SSX1: variants seen among roughly 807,000 people sequenced by gnomAD.
SSX1 encodes protein SSX1.
A neutral mutation model predicts 14.6 loss-of-function variants in SSX1; 58 were observed. The ratio of observed to expected loss-of-function variants is 3.96; its 90% CI spans 3.21 to 4.93. The LOEUF (loss-of-function observed/expected upper bound fraction) is 4.93, where lower values mean the gene tolerates loss of function less well. Among genes scored for constraint, SSX1 ranks in the 30% most tolerant of loss-of-function variants. SSX1 has a pLI of 0.00. For synonymous variants in SSX1, 46 were observed against 52.1 expected (o/e 0.88, Z 0.50); for missense variants, 272 against 143.1 (o/e 1.90, Z -4.60).
intron 5 of SSX1, among the ~76,000 whole-genome samples, chrX:48,262,369 T>C (rs1413954566): frequency 8.0e-5 from 9 of 112,337 alleles, no homozygotes; most frequent in Admixed American, 2.8e-4. Context: ...TTCACGTTTG[T>C]ATTTGTTTAT....
intron 1 of SSX1, among the ~76,000 whole-genome samples, chrX:48,256,657 AT>A (rs1801503797): frequency 9.2e-6 from 1 of 109,012 alleles, no homozygotes; most frequent in African/African-American, 3.3e-5. Flanking sequence ...GGCTCTTGTA[AT>A]CTCAGAGATT....
At chrX:48,255,598 C>T (rs2059577529) in intron 1 of SSX1, among the ~76,000 whole-genome samples, 166 bp downstream of exon 1, 1 of 105,727 alleles carries the variant, frequency 9.5e-6, no homozygotes, top group Non-Finnish European at 1.9e-5. Context: ...CCGCCTCGGC[C>T]TTGGGTCTAC....
At chrX:48,256,291 C>A (rs2059580995) in intron 1 of SSX1, among the ~76,000 whole-genome samples, 1 of 106,985 alleles carries the variant, frequency 9.3e-6, no homozygotes, top group Non-Finnish European at 1.9e-5. Context: ...ACCCCGCCCC[C>A]ACTAATACTT....
At chrX:48,266,000 T>A (rs1269106463) in intron 6 of SSX1, among the ~76,000 whole-genome samples, 1 of 111,726 alleles carries the variant, frequency 9.0e-6, no homozygotes, top group Non-Finnish European at 1.9e-5. Flanking sequence ...CCTTAACAAA[T>A]ACGTGCTGAA....
chrX:48,261,759 CT>C lies in SSX1; in HGVS notation c.281-4del. On this transcript the variant is annotated splice_polypyrimidine_tract_variant and splice_region_variant and intron_variant, in intron 4 of 7. Coordinates refer to ENST00000376919, the MANE Select transcript of SSX1 (RefSeq NM_005635.4). ...ACAAAGAAAAATTCTGATGTGTTCT[CT>C]TTCAGTTGAACATCCTCAGATGACT... is the stretch of plus-strand genomic sequence containing the variant. The C allele has an allele frequency of 2.5e-6, 3 of 1,210,770 alleles. No homozygotes were observed. Among genetic ancestry groups the C allele is most frequent in the Non-Finnish European group, 3.4e-6 (3 of 894,641 alleles).
rs782449248 is a variant in SSX1, at chrX:48,258,962, G to A, written c.280+331G>A. ...GTGCTGCACAGACAGCTTCAGTCAT[G>A]ACTTGTTGATAGTGTGTTTTGTTTT... is the stretch of plus-strand genomic sequence containing the variant. On this transcript the variant is annotated intron_variant, in intron 4 of 7. Coordinates refer to ENST00000376919, the MANE Select transcript of SSX1 (RefSeq NM_005635.4). Among the ~76,000 whole-genome samples the A allele has an allele frequency of 2.7e-5, 3 of 110,205 alleles. No homozygotes were observed. In the Admixed American group the frequency reaches 2.9e-4, roughly 11 times the overall value.
At chrX:48,266,499 A>G in intron 7 of SSX1, 108 bp downstream of exon 7, 1 of 1,159,982 alleles carries the variant, frequency 8.6e-7, no homozygotes, top group Non-Finnish European at 1.2e-6. Flanking sequence ...CTTTCTCATA[A>G]TTTTCTACTG....
intron 6 of SSX1, 41 bp from the exon 7 acceptor site, chrX:48,266,246 A>G: frequency 8.3e-7 from 1 of 1,209,724 alleles, no homozygotes. Flanking sequence ...AACACTCTTC[A>G]ACGTACCCAA....
At position 48,266,914 on chromosome X, in the gene SSX1, TG is replaced by T. The variant is rs1556936576; in HGVS notation, c.*68del. The T allele has an allele frequency of 4.6e-6, 5 of 1,096,758 alleles. No individual in the cohort carries two copies. The highest frequency in any genetic ancestry group is 6.2e-6 in the Non-Finnish European group (5 of 806,198). The allele number at this position is 1,096,758 out of a possible 1,213,427, so 90.4% of individuals were successfully genotyped here. A position where few individuals can be genotyped will look rare whatever the true frequency, so the allele number is the denominator to read the frequency against. ...AGAACGTGGTGACCTTTCACGAACA[TG>T]GGCATGGCTGCGGCTCCCTCGTCAT... On this transcript the variant is annotated 3_prime_UTR_variant, in exon 8 of 8. Transcript: ENST00000376919.
At chrX:48,256,356 T>C (rs1556934327) in intron 1 of SSX1, among the ~76,000 whole-genome samples, 1 of 107,114 alleles carries the variant, frequency 9.3e-6, no homozygotes, top group African/African-American at 3.4e-5. Context: ...GCTAGGCTGG[T>C]ATCAACCTCG....
chrX:48,264,721 G>A (rs1242838256), intron 6 of SSX1, among the ~76,000 whole-genome samples: 1 of 112,459 alleles, frequency 8.9e-6, no homozygotes, highest in Non-Finnish European at 1.9e-5. Flanking sequence ...GATGCTATTC[G>A]ATAGCATTTA....
At chrX:48,266,259 C>G (rs370033992) in intron 6 of SSX1, 28 bp from the exon 7 acceptor site, 52 of 1,207,872 alleles carry the variant, frequency 4.3e-5, no homozygotes, top group Non-Finnish European at 5.0e-5. Context: ...GTACCCAACC[C>G]TCATCTTCCA....
intron 5 of SSX1, among the ~76,000 whole-genome samples, chrX:48,263,540 T>C (rs1235901134): frequency 9.0e-6 from 1 of 111,674 alleles, no homozygotes; most frequent in Non-Finnish European, 1.9e-5. Flanking sequence ...ATTTCTGCTG[T>C]TTCCACGAAT....
In SSX1 at chrX:48,261,793, G is replaced by A; in HGVS notation, c.308G>A (p.Arg103Lys). The A allele has an allele frequency of 8.3e-7, 1 of 1,211,120 alleles. No individual in the cohort carries two copies. The highest frequency in any genetic ancestry group is 1.1e-6 in the Non-Finnish European group (1 of 895,129). The change falls in exon 5 of 8, where the codon AGG becomes AAG. Residue 103 changes from arginine (R) to lysine (K), a missense_variant. Arg to Lys is a conservative substitution (Grantham distance 26). Transcript: ENST00000376919. ...QVEHPQMTFG[R>K]LHRIIPKIMP... ...GAACATCCTCAGATGACTTTCGGCA[G>A]GCTCCACAGAATCATCCCGAAGGTG...
At chrX:48,255,894 CTTTTT>C (rs782152875) in intron 1 of SSX1, among the ~76,000 whole-genome samples, 1 of 77,538 alleles carries the variant, frequency 1.3e-5, no homozygotes, top group African/African-American at 4.8e-5. Flanking sequence ...CCTGCCCATG[CTTTTT>C]TTTTTTTTTT....
intron 1 of SSX1, among the ~76,000 whole-genome samples, 181 bp downstream of exon 1, chrX:48,255,613 C>T (rs1313235314): frequency 6.9e-5 from 7 of 102,073 alleles, no homozygotes; most frequent in Admixed American, 2.1e-4. Context: ...GTCTACAGGC[C>T]TGTATTATCC....
In SSX1 at chrX:48,257,178, C is replaced by T. The variant is rs782587793; in HGVS notation, c.-20-44C>T. ...TCACTGATTTCTCCCTCCATAGGAC[C>T]AAGGGTCCTGTAGCTAGAAAGTCTC... On this transcript the variant is annotated intron_variant, in intron 1 of 7. Coordinates refer to ENST00000376919, the MANE Select transcript of SSX1 (RefSeq NM_005635.4). 1.1e-5 allele frequency: 13 copies of T among 1,155,655 alleles called. No individual in the cohort carries two copies. In the East Asian group the frequency reaches 2.1e-4, roughly 19 times the overall value.
chrX:48,265,951 T>C (rs2059621470), intron 6 of SSX1, among the ~76,000 whole-genome samples: 1 of 111,864 alleles, frequency 8.9e-6, no homozygotes, highest in Non-Finnish European at 1.9e-5. Flanking sequence ...CATAGCACTA[T>C]AAAAATGAGG....
chrX:48,261,837 A>C, intron 5 of SSX1, 22 bp downstream of exon 5: 1 of 1,207,372 alleles, frequency 8.3e-7, no homozygotes, highest in Non-Finnish European at 1.1e-6. Context: ...TCAAATCTAA[A>C]GGACCAGAGA....
Sources: gnomAD v4.1 joint callset for allele counts (sites outside exome capture counted in the v4.1 genomes callset) on GRCh38, gnomAD v4.1.1 for gene constraint, MANE v1.5 for transcripts, NCBI Gene and HGNC (gene_info 2026-07-23, HGNC 2026-07-21) for gene names.